SGK3: variants seen among roughly 807,000 people sequenced by gnomAD.
SGK3 encodes the protein serine/threonine-protein kinase Sgk3.
A neutral mutation model predicts 68.5 loss-of-function variants in SGK3; 47 were observed. That is an observed-to-expected ratio of 0.69 (90% CI 0.54 to 0.87). The LOEUF (loss-of-function observed/expected upper bound fraction) is 0.87. Among genes scored for constraint, SGK3 ranks in the 40% least tolerant of loss-of-function variants. SGK3 has a pLI of 0.00. For missense variants in SGK3, 479 were observed against 575.5 expected, an observed-to-expected ratio of 0.83 and a Z score of 1.72; for synonymous variants, 181 against 189.1, an observed-to-expected ratio of 0.96 and a Z score of 0.35.
chr8:66,794,726 C>G (rs1230478268), intron 2 of SGK3, among the ~76,000 whole-genome samples: 3 of 152,292 alleles, frequency 2.0e-5, no homozygotes, highest in African/African-American at 7.2e-5. Flanking sequence ...GGAGAGGTGT[C>G]CCCTTTCACA....
chr8:66,734,799 T>C (rs1805269845), intron 1 of SGK3, among the ~76,000 whole-genome samples: 1 of 151,890 alleles, frequency 6.6e-6, no homozygotes, highest in African/African-American at 2.4e-5. Context: ...ATGTAAAAAT[T>C]AGCTGGGCGT....
chr8:66,850,707 A>T, intron 15 of SGK3, 124 bp from the exon 16 acceptor site: 1 of 842,614 alleles, frequency 1.2e-6, no homozygotes, highest in Non-Finnish European at 1.8e-6. Flanking sequence ...CAAATAACAT[A>T]CACATGTTCC....
chr8:66,799,417 C>T (rs920205858), intron 3 of SGK3, among the ~76,000 whole-genome samples: 7 of 152,146 alleles, frequency 4.6e-5, no homozygotes, highest in African/African-American at 1.7e-4. Context: ...GCAGCAAGAC[C>T]ACCACAGTCA....
chr8:66,743,307 C>T (rs1563604943), intron 1 of SGK3, among the ~76,000 whole-genome samples: 1 of 152,140 alleles, frequency 6.6e-6, no homozygotes, highest in Non-Finnish European at 1.5e-5. Context: ...ATGTAAAATG[C>T]TTCTGGCTTA....
chr8:66,797,616 G>C (rs934450609), intron 2 of SGK3, among the ~76,000 whole-genome samples: 2 of 152,262 alleles, frequency 1.3e-5, no homozygotes, highest in Middle Eastern at 3.4e-3. Context: ...ATTGAACATG[G>C]AAGATAATAC....
chr8:66,720,306 A>G (rs759782672), intron 1 of SGK3, among the ~76,000 whole-genome samples: 8 of 152,192 alleles, frequency 5.3e-5, no homozygotes, highest in Non-Finnish European at 8.8e-5. Flanking sequence ...ATTGACTTGA[A>G]CCAAGGAAAA....
At chr8:66,813,600 T>C (rs994722482) in intron 4 of SGK3, among the ~76,000 whole-genome samples, 5 of 150,856 alleles carry the variant, frequency 3.3e-5, no homozygotes, top group Admixed American at 1.3e-4. Context: ...TTGAGAACTT[T>C]CTTTTTGGAG....
At chr8:66,736,146 T>C (rs886461444) in intron 1 of SGK3, among the ~76,000 whole-genome samples, 2 of 152,214 alleles carry the variant, frequency 1.3e-5, no homozygotes, top group East Asian at 3.8e-4. Flanking sequence ...CATGAGTTTC[T>C]TCAACTATAG....
chr8:66,749,508 G>A lies in SGK3; in HGVS notation c.-122+36675G>A, dbSNP rs184513600. Among the ~76,000 whole-genome samples the A allele has an allele frequency of 2.2e-4, 33 of 152,222 alleles. 1 individual carries two copies. Among genetic ancestry groups the A allele is most frequent in the African/African-American group, 6.0e-4 (25 of 41,550 alleles). ...TCGCTAGTACGAACATTGACTTCTG[G>A]CACACATCTATTGGTGAATGTGAGC... On this transcript the variant is annotated intron_variant, in intron 1 of 16. Coordinates refer to ENST00000521198, the MANE Select transcript of SGK3 (RefSeq NM_001033578.3).
At chr8:66,815,802 A>G (rs1264185573) in intron 5 of SGK3, among the ~76,000 whole-genome samples, 1 of 152,208 alleles carries the variant, frequency 6.6e-6, no homozygotes, top group African/African-American at 2.4e-5. Context: ...TAAAGATGTT[A>G]TATTTGGCAT....
chr8:66,758,459 C>G (rs557054746), intron 1 of SGK3, among the ~76,000 whole-genome samples: 2 of 152,172 alleles, frequency 1.3e-5, no homozygotes, highest in Admixed American at 6.5e-5. Context: ...TAATATCTGG[C>G]TTAGTAAGTG....
At chr8:66,848,123 C>T (rs1317656212) in intron 15 of SGK3, among the ~76,000 whole-genome samples, 3 of 152,140 alleles carry the variant, frequency 2.0e-5, no homozygotes, top group Admixed American at 6.6e-5. Context: ...TACCCCTGCT[C>T]CCCAGTTCAG....
At chr8:66,808,843 T>C (rs528938681) in intron 4 of SGK3, among the ~76,000 whole-genome samples, 7 of 151,172 alleles carry the variant, frequency 4.6e-5, no homozygotes, top group Non-Finnish European at 7.4e-5. Context: ...AATTTGGAAA[T>C]ATAGTTTGAA....
At chr8:66,790,718 A>G (rs1459027013) in intron 1 of SGK3, 1 of 152,246 alleles carries the variant, frequency 6.6e-6, no homozygotes, top group Non-Finnish European at 1.5e-5. Context: ...CATTCTCAAG[A>G]ACAGCCGGAA....
At chr8:66,730,742 G>A (rs1805126673) in intron 1 of SGK3, among the ~76,000 whole-genome samples, 1 of 151,894 alleles carries the variant, frequency 6.6e-6, no homozygotes, top group African/African-American at 2.4e-5. Flanking sequence ...CAGTGGTGCG[G>A]TCTCAGCTCA....
At chr8:66,853,934 A>G (rs552263443) in intron 16 of SGK3, among the ~76,000 whole-genome samples, 1 of 152,308 alleles carries the variant, frequency 6.6e-6, no homozygotes, top group East Asian at 1.9e-4. Context: ...TTCTCATTAT[A>G]CCATTTCGGA....
chr8:66,746,234 T>G (rs985460864), intron 1 of SGK3, among the ~76,000 whole-genome samples: 2 of 152,370 alleles, frequency 1.3e-5, no homozygotes, highest in Admixed American at 6.5e-5. Context: ...AACCTCTGCC[T>G]GTTCTCCACT....
chr8:66,835,855 A>T lies in SGK3; in HGVS notation c.609+9A>T, dbSNP rs751990307. The T allele has an allele frequency of 3.9e-5, 62 of 1,609,844 alleles. No homozygotes were observed. The highest frequency in any genetic ancestry group is 4.9e-5 in the Non-Finnish European group (58 of 1,179,024). On this transcript the variant is annotated intron_variant, in intron 9 of 16. Transcript: ENST00000521198. Reference sequence around the variant, plus strand: ...TTCTCAACAGAAAAGAGGTAAAATAAAATAGTTGTTTCTCTCAAGCCCATT... The same window carrying T: ...TTCTCAACAGAAAAGAGGTAAAATATAATAGTTGTTTCTCTCAAGCCCATT...
intron 1 of SGK3, among the ~76,000 whole-genome samples, chr8:66,769,354 G>C (rs1302187170): frequency 6.6e-6 from 1 of 152,150 alleles, no homozygotes; most frequent in Non-Finnish European, 1.5e-5. Context: ...CTCCCAAGTA[G>C]CTGGGACTAC....
Sources: gnomAD v4.1 joint callset for allele counts (sites outside exome capture counted in the v4.1 genomes callset) on GRCh38, gnomAD v4.1.1 for gene constraint, MANE v1.5 for transcripts, NCBI Gene and HGNC (gene_info 2026-07-23, HGNC 2026-07-21) for gene names.